RABGAP1L: variants seen among roughly 807,000 people sequenced by gnomAD.
RABGAP1L encodes rab GTPase-activating protein 1-like.
In RABGAP1L, 63 loss-of-function variants were observed where a neutral mutation model predicts 137.7. The observed-to-expected ratio is 0.46, with a 90% CI of 0.37 to 0.56. The LOEUF (loss-of-function observed/expected upper bound fraction) is 0.56, where lower values mean the gene tolerates loss of function less well. RABGAP1L is among the 20% of genes least tolerant of loss of function. The pLI is 0.00. For synonymous variants in RABGAP1L, 431 were observed against 433.7 expected (o/e 0.99, Z 0.08); for missense variants, 1,095 against 1,244.0 (o/e 0.88, Z 1.80).
At chr1:174,175,150 T>C (rs1168051899) in intron 1 of RABGAP1L, among the ~76,000 whole-genome samples, 1 of 95,262 alleles carries the variant, frequency 1.0e-5, no homozygotes, top group Non-Finnish European at 1.9e-5. Context: ...TTTTCTTGTA[T>C]ATGACACAGA....
intron 13 of RABGAP1L, among the ~76,000 whole-genome samples, chr1:174,617,722 A>G (rs1572537656): frequency 6.6e-6 from 1 of 152,230 alleles, no homozygotes; most frequent in Admixed American, 6.5e-5. Flanking sequence ...TTTTTAAAAC[A>G]TATACATTAC....
chr1:174,469,703 G>A (rs1558261231), intron 13 of RABGAP1L, among the ~76,000 whole-genome samples: 2 of 152,148 alleles, frequency 1.3e-5, no homozygotes, highest in South Asian at 4.1e-4. Flanking sequence ...GACACTGATT[G>A]TGTCAGTTTG....
intron 18 of RABGAP1L, among the ~76,000 whole-genome samples, chr1:174,752,878 A>G (rs906951269): frequency 5.3e-5 from 8 of 152,222 alleles, no homozygotes; most frequent in Non-Finnish European, 7.4e-5. Context: ...TTATGTCAAC[A>G]TATCATACAG....
chr1:174,813,777 G>A (rs1186487439), intron 19 of RABGAP1L, among the ~76,000 whole-genome samples: 1 of 152,206 alleles, frequency 6.6e-6, no homozygotes, highest in Non-Finnish European at 1.5e-5. Context: ...TGGGCATGAT[G>A]CCTTTGACTG....
chr1:174,349,772 G>A (rs1389031527), intron 11 of RABGAP1L, among the ~76,000 whole-genome samples: 3 of 122,518 alleles, frequency 2.4e-5, no homozygotes, highest in Non-Finnish European at 5.6e-5. Context: ...GCGGCTGGCC[G>A]GGCAGAGGGG....
chr1:174,861,497 T>C (rs973375421), intron 19 of RABGAP1L, among the ~76,000 whole-genome samples: 27 of 152,184 alleles, frequency 1.8e-4, no homozygotes, highest in Admixed American at 1.6e-3. Flanking sequence ...ATTGCTGCAG[T>C]AGTTCCATTT....
intron 20 of RABGAP1L, among the ~76,000 whole-genome samples, chr1:174,967,929 CA>C (rs200800559): frequency 0.34 from 45,574 of 134,560 alleles, 7,171 homozygotes; most frequent in East Asian, 0.43. Context: ...TATTTTTTTC[CA>C]AAAAAAAAAA....
chr1:174,482,684 C>T (rs1251305125), intron 13 of RABGAP1L, among the ~76,000 whole-genome samples: 1 of 152,082 alleles, frequency 6.6e-6, no homozygotes, highest in African/African-American at 2.4e-5. Context: ...ATCATGTTGC[C>T]CAGGCCGGTC....
intron 19 of RABGAP1L, chr1:174,898,007 AT>A (rs1657527307): frequency 6.6e-6 from 1 of 151,322 alleles, no homozygotes; most frequent in African/African-American, 2.4e-5. Context: ...GAAAAGGGAG[AT>A]AATTAATTTC....
chr1:174,705,660 T>G (rs1679990035), intron 17 of RABGAP1L: 1 of 152,204 alleles, frequency 6.6e-6, no homozygotes. Context: ...AATATTGTAG[T>G]GTGCCTCAGG....
In RABGAP1L at chr1:174,713,190, A is replaced by G. The variant is rs146761204; in HGVS notation, c.2169+10934A>G. Among the ~76,000 whole-genome samples, 299 of 152,322 alleles carry G rather than the reference A, an allele frequency of 2.0e-3. 1 individual carries two copies. Among genetic ancestry groups the G allele is most frequent in the African/African-American group, 6.8e-3 (284 of 41,558 alleles). ...CAATGTCAATGAGATTAGAAGCTTTATATATACCTCTTCCTGACTACATCT... is the reference window on the plus strand; with the variant it reads ...CAATGTCAATGAGATTAGAAGCTTTGTATATACCTCTTCCTGACTACATCT... On this transcript the variant is annotated intron_variant, in intron 17 of 25. Coordinates refer to ENST00000681986, the MANE Select transcript of RABGAP1L (RefSeq NM_001366446.1).
chr1:174,493,840 A>C (rs912603339), intron 13 of RABGAP1L, among the ~76,000 whole-genome samples: 23 of 151,440 alleles, frequency 1.5e-4, no homozygotes, highest in African/African-American at 5.1e-4. Flanking sequence ...AAAAAAAAAA[A>C]AGTATAGGCA....
rs551579949 is a variant in RABGAP1L at position 174,439,501 on chromosome 1, AGAT to A, written c.1710+45360_1710+45362del. Among the ~76,000 whole-genome samples the A allele has an allele frequency of 1.2e-3, 188 of 152,296 alleles. 1 individual carries two copies. The highest frequency in any genetic ancestry group is 4.4e-3 in the African/African-American group (184 of 41,568). On this transcript the variant is annotated intron_variant, in intron 13 of 25. Transcript: ENST00000681986. ...TATTTTGCAGCATTTGGCATTTTTTAGATGATAAGTAATTAAATAATCATTGTC... is the reference window on the plus strand; with the variant it reads ...TATTTTGCAGCATTTGGCATTTTTTAGATAAGTAATTAAATAATCATTGTC...
At chr1:174,923,896 GAAAA>G (rs1473068949) in intron 19 of RABGAP1L, among the ~76,000 whole-genome samples, 1 of 143,348 alleles carries the variant, frequency 7.0e-6, no homozygotes, top group Non-Finnish European at 1.5e-5. Flanking sequence ...AAAAAAAAAA[GAAAA>G]AAGAAAAAGT....
intron 18 of RABGAP1L, among the ~76,000 whole-genome samples, chr1:174,775,742 C>A (rs1000382667): frequency 6.6e-6 from 1 of 152,140 alleles, no homozygotes; most frequent in Admixed American, 6.5e-5. Context: ...TTCCAAGGCT[C>A]CCTTGGATTA....
intron 14 of RABGAP1L, among the ~76,000 whole-genome samples, chr1:174,670,494 C>T (rs1677091397): frequency 6.6e-6 from 1 of 152,070 alleles, no homozygotes; most frequent in Non-Finnish European, 1.5e-5. Flanking sequence ...CTTACTCATT[C>T]TTTCTTCTTT....
At chr1:174,731,978 G>A (rs1406243735) in intron 17 of RABGAP1L, among the ~76,000 whole-genome samples, 1 of 152,238 alleles carries the variant, frequency 6.6e-6, no homozygotes, top group Non-Finnish European at 1.5e-5. Flanking sequence ...CAAGGCAGAT[G>A]GATCACAAGG....
chr1:174,284,042 A>G (rs752371997), intron 10 of RABGAP1L, among the ~76,000 whole-genome samples: 85 of 152,350 alleles, frequency 5.6e-4, no homozygotes, highest in Middle Eastern at 3.4e-3. Flanking sequence ...TGATACATAT[A>G]TATTGTGAAA....
At chr1:174,987,172 A>AT (rs113584242) in intron 24 of RABGAP1L, among the ~76,000 whole-genome samples, 2,032 of 147,130 alleles carry the variant, frequency 0.014, 38 homozygotes, top group African/African-American at 0.046. Context: ...AGAGGAAGAA[A>AT]TTTTTTTTTT....
Sources: allele counts gnomAD v4.1 joint callset (sites outside exome capture counted in the v4.1 genomes callset), GRCh38; gene constraint gnomAD v4.1.1; transcripts MANE v1.5; gene names NCBI Gene and HGNC (gene_info 2026-07-23, HGNC 2026-07-21).